The following CMTM4 variants were observed in gnomAD, a reference collection of about 807,000 sequenced individuals.
CMTM4 encodes CKLF like MARVEL transmembrane domain containing 4, also known as CKLF-like MARVEL transmembrane domain-containing protein 4.
In CMTM4, 8 loss-of-function variants were observed where a neutral mutation model predicts 19.0. The ratio of observed to expected loss-of-function variants is 0.42; its 90% CI spans 0.25 to 0.76. The LOEUF is 0.76. Among genes scored for constraint, CMTM4 ranks in the 30% least tolerant of loss-of-function variants. The probability of loss-of-function intolerance (pLI) is 0.27; values close to 1 mark genes in which losing one functional copy is unlikely to be tolerated. For missense variants in CMTM4, 228 were observed against 290.2 expected (o/e 0.79, Z 1.56); for synonymous variants, 106 against 121.1 (o/e 0.88, Z 0.82).
At chr16:66,649,974 A>C (rs1274356827) in intron 1 of CMTM4, among the ~76,000 whole-genome samples, 1 of 152,166 alleles carries the variant, frequency 6.6e-6, no homozygotes, top group Non-Finnish European at 1.5e-5. Context: ...TCCAGCCAAC[A>C]CACGCTATTA....
downstream of CMTM4, chr16:66,610,069 A>T: frequency 6.3e-7 from 1 of 1,590,550 alleles, no homozygotes; most frequent in Non-Finnish European, 8.6e-7. This position sits in a 1 kb window ranked among gnomAD's most constrained non-coding sequence, Gnocchi z 4.6. Context: ...CGGGGATGCC[A>T]GCTAGTTTGA....
chr16:66,628,720 T>C (rs991897633), intron 2 of CMTM4, among the ~76,000 whole-genome samples: 21 of 152,236 alleles, frequency 1.4e-4, no homozygotes, highest in African/African-American at 5.1e-4. Context: ...GTCTGATCTC[T>C]CTTTTTTTCC....
At chr16:66,623,046 C>T (rs1440974606) in intron 3 of CMTM4, among the ~76,000 whole-genome samples, 1 of 152,210 alleles carries the variant, frequency 6.6e-6, no homozygotes, top group Non-Finnish European at 1.5e-5. Context: ...AGAACCCTCC[C>T]TTCCCCAGGC....
chr16:66,625,100 T>C (rs1015798264), intron 2 of CMTM4, among the ~76,000 whole-genome samples: 2 of 152,166 alleles, frequency 1.3e-5, no homozygotes, highest in African/African-American at 4.8e-5. Context: ...AGTATCAACA[T>C]TAACAGTGAC....
intron 1 of CMTM4, among the ~76,000 whole-genome samples, chr16:66,639,971 CTGT>C (rs2016069587): frequency 6.6e-6 from 1 of 152,070 alleles, no homozygotes; most frequent in Admixed American, 6.6e-5. Context: ...TGAGTGGAGA[CTGT>C]GCCACTGCAC....
chr16:66,671,758 A>G, intron 1 of CMTM4, among the ~76,000 whole-genome samples: 1 of 152,160 alleles, frequency 6.6e-6, no homozygotes, highest in Non-Finnish European at 1.5e-5. Context: ...GCATTCAGTG[A>G]AATTAGCAAC....
intron 1 of CMTM4, among the ~76,000 whole-genome samples, chr16:66,675,799 C>T (rs1382013846): frequency 2.6e-5 from 4 of 152,202 alleles, no homozygotes; most frequent in Admixed American, 2.6e-4. Context: ...ATTATTTACA[C>T]ACGACAAGTG....
Position 66,621,678 on chromosome 16 carries a change from C to T in CMTM4, c.*380G>A. 1 of 1,028,372 alleles carries T rather than the reference C, an allele frequency of 9.7e-7. No individual in the cohort carries two copies. The highest frequency in any genetic ancestry group is 1.2e-6 in the Non-Finnish European group (1 of 854,174). 63.7% of individuals were successfully genotyped at this position (1,028,372 alleles called of 1,614,324 possible). Reference sequence around the variant, plus strand: ...CTGCCTGAGAACCACTGCCGACTGACCGTTCCAATGCTGTCCCTTCATTCC... The same window carrying T: ...CTGCCTGAGAACCACTGCCGACTGATCGTTCCAATGCTGTCCCTTCATTCC... On this transcript the variant is annotated 3_prime_UTR_variant, in exon 4 of 4. Coordinates refer to ENST00000394106, the MANE Select transcript of CMTM4 (RefSeq NM_181521.3).
chr16:66,667,324 C>T (rs1460292258), intron 1 of CMTM4, among the ~76,000 whole-genome samples: 1 of 150,644 alleles, frequency 6.6e-6, no homozygotes, highest in Non-Finnish European at 1.5e-5. Flanking sequence ...GACTCCCTCT[C>T]AAAAAAATAA....
At position 66,659,391 on chromosome 16, in the gene CMTM4, C is replaced by A. The variant is rs1228683447; in HGVS notation, c.187-22810G>T. On this transcript the variant is annotated intron_variant, in intron 1 of 3. Coordinates refer to ENST00000394106, the MANE Select transcript of CMTM4 (RefSeq NM_181521.3). ...CTCTGCCTCAAAAAAAAAAAAAAAT[C>A]ACACTAGAGAAAGCCACCAGTCAAG... Among the ~76,000 whole-genome samples the A allele has an allele frequency of 7.9e-5, 12 of 151,108 alleles. No homozygotes were observed. In the South Asian group the frequency reaches 2.3e-3, roughly 29 times the overall value.
At chr16:66,608,481 C>T in the CMTM4 span, 2 of 1,612,780 alleles carry the variant, frequency 1.2e-6, no homozygotes, top group Non-Finnish European at 1.7e-6. The surrounding 1 kb of genome is among the most constrained non-coding windows in gnomAD (Gnocchi z 5.1). Context: ...ACAGGGGCCC[C>T]AGGAGGGAGG....
chr16:66,601,777 G>T, the CMTM4 span, among the ~76,000 whole-genome samples: 1 of 152,230 alleles, frequency 6.6e-6, no homozygotes, highest in South Asian at 2.1e-4. Flanking sequence ...CCGAGCCTGG[G>T]AGGGCAGGTG....
At chr16:66,613,250 T>C (rs1423359561), downstream of CMTM4, 4 of 651,066 alleles carry the variant, frequency 6.1e-6, no homozygotes, top group African/African-American at 7.2e-5. Flanking sequence ...CCTCCCACCC[T>C]TGGAAACCAT....
At chr16:66,692,764 G>A (rs372084574) in intron 1 of CMTM4, among the ~76,000 whole-genome samples, 4 of 152,028 alleles carry the variant, frequency 2.6e-5, no homozygotes, top group Admixed American at 6.6e-5. Context: ...AAACTTAGCC[G>A]GGCGTGCTAG....
rs1165692127 is a variant in CMTM4 at position 66,636,441 on chromosome 16, C to T, written c.327G>A (p.Leu109=). 6.2e-7 allele frequency: 1 copy of T among 1,614,088 alleles called. No homozygotes were observed. Among genetic ancestry groups the T allele is most frequent in the African/African-American group, 1.3e-5 (1 of 75,034 alleles). Residue 109 remains leucine, a synonymous_variant, in exon 2 of 4, where the codon CTG becomes CTA. Transcript: ENST00000394106. ...GVLLIMFSLN[L]HMRIPQINWN... ...AGTTGATCTGGGGGATCCTCATGTG[C>T]AGGTTGAGACTGAACATAATCAGCA...
At chr16:66,602,033 T>C in the CMTM4 span, among the ~76,000 whole-genome samples, 1 of 152,224 alleles carries the variant, frequency 6.6e-6, no homozygotes, top group Non-Finnish European at 1.5e-5. Context: ...CAGCAGGTTG[T>C]CTGGAGCCAC....
intron 1 of CMTM4, among the ~76,000 whole-genome samples, chr16:66,655,354 A>G (rs559895392): frequency 6.6e-6 from 1 of 152,260 alleles, no homozygotes; most frequent in South Asian, 2.1e-4. Flanking sequence ...CACCCCAAGT[A>G]CCCAGATTGA....
At chr16:66,676,167 C>A (rs752677036) in intron 1 of CMTM4, among the ~76,000 whole-genome samples, 51 of 152,310 alleles carry the variant, frequency 3.3e-4, no homozygotes, top group Admixed American at 1.4e-3. Context: ...AACTTTGGGG[C>A]TCTCAGTCAA....
At chr16:66,689,864 T>A (rs2017104490) in intron 1 of CMTM4, among the ~76,000 whole-genome samples, 1 of 152,228 alleles carries the variant, frequency 6.6e-6, no homozygotes, top group Admixed American at 6.5e-5. Context: ...TGTTGAGGAT[T>A]TCTGTGTCTG....
Sources: gnomAD v4.1 joint callset for allele counts (sites outside exome capture counted in the v4.1 genomes callset) on GRCh38, gnomAD v4.1.1 for gene constraint, Gnocchi (gnomAD v3.1) non-coding constraint, MANE v1.5 for transcripts, NCBI Gene and HGNC (gene_info 2026-07-23, HGNC 2026-07-21) for gene names.